The following SLC41A2 variants were observed in gnomAD, a reference collection of about 807,000 sequenced individuals.
The protein encoded by SLC41A2 is SLC41A1-like 1.
A neutral mutation model predicts 58.3 loss-of-function variants in SLC41A2; 32 were observed. The observed-to-expected ratio is 0.55, with a 90% confidence interval of 0.41 to 0.74. SLC41A2 has a LOEUF of 0.74. Among genes scored for constraint, SLC41A2 ranks in the 30% least tolerant of loss-of-function variants. The pLI is 0.00. For synonymous variants in SLC41A2, 190 were observed against 235.0 expected, an observed-to-expected ratio of 0.81 and a Z score of 1.75; for missense variants, 514 against 680.6, an observed-to-expected ratio of 0.76 and a Z score of 2.72.
At chr12:104,883,622 C>G (rs1300606762) in intron 6 of SLC41A2, among the ~76,000 whole-genome samples, 1 of 152,138 alleles carries the variant, frequency 6.6e-6, no homozygotes, top group African/African-American at 2.4e-5. Flanking sequence ...CACTCCAGAC[C>G]CTGTTTTCCT....
chr12:104,886,356 A>G lies in SLC41A2; in HGVS notation c.964T>C (p.Phe322Leu). Residue 322 changes from phenylalanine (F) to leucine (L), a missense_variant, in exon 6 of 11, where the codon TTT becomes CTT. Coordinates refer to ENST00000258538, the MANE Select transcript of SLC41A2 (RefSeq NM_001352171.3). ...ATGGCAAGAGTTATAAGGTCGCCAAAACTAGCAGCAATGGGTGTAGCAACA... is the reference window on the plus strand; with the variant it reads ...ATGGCAAGAGTTATAAGGTCGCCAAGACTAGCAGCAATGGGTGTAGCAACA... ...DNVATPIAAS[F>L]GDLITLAILA... 3.1e-6 allele frequency: 5 copies of G among 1,613,750 alleles called. No individual in the cohort carries two copies. The highest frequency in any genetic ancestry group is 4.2e-6 in the Non-Finnish European group (5 of 1,179,700).
chr12:104,830,338 A>G (rs1172745197), intron 10 of SLC41A2, among the ~76,000 whole-genome samples: 1 of 152,206 alleles, frequency 6.6e-6, no homozygotes, highest in Non-Finnish European at 1.5e-5. Flanking sequence ...TAACCTACAC[A>G]TGTCCTCCTG....
chr12:104,891,265 G>C (rs564054102), intron 4 of SLC41A2, among the ~76,000 whole-genome samples: 1 of 152,056 alleles, frequency 6.6e-6, no homozygotes, highest in South Asian at 2.1e-4. Context: ...ATGGCAACTA[G>C]AATCAGTGAA....
intron 10 of SLC41A2, among the ~76,000 whole-genome samples, chr12:104,826,607 C>A (rs1748483971): frequency 6.6e-6 from 1 of 152,166 alleles, no homozygotes; most frequent in South Asian, 2.1e-4. Flanking sequence ...TCCTAGAAAT[C>A]ATCACTCTAA....
intron 10 of SLC41A2, among the ~76,000 whole-genome samples, chr12:104,817,269 G>A (rs1173440943): frequency 6.6e-6 from 1 of 152,200 alleles, no homozygotes; most frequent in African/African-American, 2.4e-5. Flanking sequence ...CATGAATGAA[G>A]ATTGCAGGAC....
chr12:104,828,714 A>G (rs1195081667), intron 10 of SLC41A2, among the ~76,000 whole-genome samples: 1 of 152,174 alleles, frequency 6.6e-6, no homozygotes, highest in Non-Finnish European at 1.5e-5. Flanking sequence ...AAAATACACA[A>G]TATTTTTAAA....
chr12:104,899,642 C>T (rs2045463210), intron 3 of SLC41A2, among the ~76,000 whole-genome samples: 1 of 152,166 alleles, frequency 6.6e-6, no homozygotes, highest in Non-Finnish European at 1.5e-5. Context: ...AATTTATGCT[C>T]AGATTTCAGG....
At chr12:104,940,927 T>G (rs568151737) in intron 1 of SLC41A2, among the ~76,000 whole-genome samples, 1 of 115,646 alleles carries the variant, frequency 8.6e-6, no homozygotes, top group East Asian at 2.3e-4. Flanking sequence ...AGAGCAAGAC[T>G]CTGCCTCAAA....
At chr12:104,834,659 G>A (rs1372497111) in intron 10 of SLC41A2, among the ~76,000 whole-genome samples, 1 of 151,682 alleles carries the variant, frequency 6.6e-6, no homozygotes, top group Admixed American at 6.6e-5. Context: ...CTGGGAACAG[G>A]GTTTGAGTTA....
intron 3 of SLC41A2, among the ~76,000 whole-genome samples, chr12:104,903,980 ACAC>A (rs143140464): frequency 0.012 from 1,870 of 152,284 alleles, 48 homozygotes; most frequent in African/African-American, 0.043. Flanking sequence ...TAAAATATAG[ACAC>A]CACAACAAAT....
In SLC41A2 at chr12:104,803,664, G is replaced by GTACTT. The variant is rs1439928448; in HGVS notation, c.*1483_*1487dup. 1 of 152,094 alleles carries GTACTT rather than the reference G, an allele frequency of 6.6e-6. No homozygotes were observed. The highest frequency in any genetic ancestry group is 1.5e-5 in the Non-Finnish European group (1 of 68,002). The allele number at this position is 152,094 out of a possible 1,614,324, so 9.4% of individuals were successfully genotyped here. A position where few individuals can be genotyped will look rare whatever the true frequency, so the allele number is the denominator to read the frequency against. ...TTGAATTTTAAAAAATGAACCACAT[G>GTACTT]TACTTTAAAAATGGTTACCTATTCA... On this transcript the variant is annotated 3_prime_UTR_variant, in exon 11 of 11. Coordinates refer to ENST00000258538, the MANE Select transcript of SLC41A2 (RefSeq NM_001352171.3).
chr12:104,821,354 A>T (rs2041630562), intron 10 of SLC41A2, among the ~76,000 whole-genome samples: 2 of 152,200 alleles, frequency 1.3e-5, no homozygotes, highest in Admixed American at 1.3e-4. Flanking sequence ...TTTACAAAAT[A>T]AACTCTTATA....
chr12:104,806,348 AATG>A (rs1298253172), intron 10 of SLC41A2, among the ~76,000 whole-genome samples: 9 of 151,980 alleles, frequency 5.9e-5, no homozygotes, highest in Non-Finnish European at 7.4e-5. Context: ...GTTTGCTGAG[AATG>A]ATGGTTTCCA....
intron 8 of SLC41A2, 69 bp from the exon 9 acceptor site, chr12:104,846,043 G>C: frequency 6.0e-6 from 9 of 1,507,266 alleles, no homozygotes; most frequent in Non-Finnish European, 8.1e-6. Context: ...TCAACCAAAA[G>C]CAAGCCTCTT....
At chr12:104,899,048 G>T (rs918387523) in intron 3 of SLC41A2, among the ~76,000 whole-genome samples, 3 of 152,102 alleles carry the variant, frequency 2.0e-5, no homozygotes, top group Non-Finnish European at 2.9e-5. Flanking sequence ...TAGGCCTACT[G>T]TTACTAGATT....
At chr12:104,809,519 C>T (rs1244741564) in intron 10 of SLC41A2, among the ~76,000 whole-genome samples, 1 of 152,106 alleles carries the variant, frequency 6.6e-6, no homozygotes, top group Non-Finnish European at 1.5e-5. Flanking sequence ...GTGGTCAATT[C>T]TTCATTAGTG....
intron 4 of SLC41A2, among the ~76,000 whole-genome samples, chr12:104,894,550 C>T (rs543962320): frequency 4.6e-5 from 7 of 152,268 alleles, no homozygotes; most frequent in African/African-American, 1.7e-4. Context: ...AAAAAATGTG[C>T]TTTATTTCTT....
chr12:104,805,106 C>T lies in SLC41A2; in HGVS notation c.*46G>A, dbSNP rs1315948158. ...TTGAAAAAGAGCCATAAGTGGTTGT[C>T]GTGTATTTTCTTCCTTGGTAACTTG... On this transcript the variant is annotated 3_prime_UTR_variant, in exon 11 of 11. Coordinates refer to ENST00000258538, the MANE Select transcript of SLC41A2 (RefSeq NM_001352171.3). 13 of 1,482,372 alleles carry T rather than the reference C, an allele frequency of 8.8e-6. No individual in the cohort carries two copies. Among genetic ancestry groups the T allele is most frequent in the Middle Eastern group, 2.2e-4 (1 of 4,466 alleles). 91.8% of individuals were successfully genotyped at this position (1,482,372 alleles called of 1,614,324 possible). A position where few individuals can be genotyped will look rare whatever the true frequency, so the allele number is the denominator to read the frequency against.
intron 1 of SLC41A2, among the ~76,000 whole-genome samples, chr12:104,952,623 A>G (rs2047997757): frequency 6.6e-6 from 1 of 152,206 alleles, no homozygotes; most frequent in Non-Finnish European, 1.5e-5. Flanking sequence ...TAAATCCTGC[A>G]TAAACACCCC....
Sources: gnomAD v4.1 joint callset for allele counts (sites outside exome capture counted in the v4.1 genomes callset) on GRCh38, gnomAD v4.1.1 for gene constraint, MANE v1.5 for transcripts, NCBI Gene and HGNC (gene_info 2026-07-23, HGNC 2026-07-21) for gene names.